Variants in UBA52 observed in about 807,000 individuals in gnomAD.
The protein encoded by UBA52 is ubiquitin-ribosomal protein eL40 fusion protein.
UBA52 carries 1 observed loss-of-function variant against 15.3 expected under a neutral mutation model. That is an observed-to-expected ratio of 0.07 (90% confidence interval 0.02 to 0.31). UBA52 has a LOEUF of 0.31. Ranked by LOEUF, UBA52 falls within the 10% of genes least tolerant of loss-of-function variation. The pLI is 1.00. For synonymous variants in UBA52, 50 were observed against 58.3 expected, an observed-to-expected ratio of 0.86 and a Z score of 0.65; for missense variants, 87 against 168.0, an observed-to-expected ratio of 0.52 and a Z score of 2.66.
upstream of UBA52, among the ~76,000 whole-genome samples, chr19:18,566,752 C>T (rs1975257866): frequency 6.6e-6 from 1 of 151,346 alleles, no homozygotes; most frequent in African/African-American, 2.4e-5. Flanking sequence ...AGGATGGCAC[C>T]ACTGCACTCC....
chr19:18,564,077 C>T, the UBA52 span, among the ~76,000 whole-genome samples: 1,183 of 151,950 alleles, frequency 7.8e-3, 14 homozygotes, highest in African/African-American at 0.026. Flanking sequence ...GGTAGAGACG[C>T]GGTTTTCCCA....
At chr19:18,567,216 A>G (rs758411560), upstream of UBA52, 45 of 1,608,192 alleles carry the variant, frequency 2.8e-5, no homozygotes, top group Non-Finnish European at 3.8e-5. Context: ...CGAGCACGTC[A>G]GCACTCTCCA....
At position 18,573,336 on chromosome 19, in the gene UBA52, C is replaced by T. The variant is rs1600618505; in HGVS notation, c.36C>T (p.Thr12=). 1.9e-6 allele frequency: 3 copies of T among 1,614,168 alleles called. No individual in the cohort carries two copies. Among genetic ancestry groups the T allele is most frequent in the South Asian group, 2.2e-5 (2 of 91,082 alleles). Residue 12 remains threonine (T), a synonymous_variant, in exon 2 of 5, where the codon ACC becomes ACT. Transcript: ENST00000442744. The stretch of plus-strand genomic sequence containing the variant: ...TTGTGAAGACCCTCACTGGCAAAAC[C>T]ATCACCCTTGAGGTCGAGCCCAGTG... ...QIFVKTLTGK[T]ITLEVEPSDT...
upstream of UBA52, chr19:18,568,773 C>T: frequency 3.1e-6 from 2 of 637,448 alleles, no homozygotes. Flanking sequence ...AAGGCTCTCT[C>T]CCGAGGGGTG....
chr19:18,566,479 G>C, the UBA52 span, among the ~76,000 whole-genome samples: 1 of 148,712 alleles, frequency 6.7e-6, no homozygotes, highest in African/African-American at 2.5e-5. Flanking sequence ...AAGTAACATA[G>C]TGCTAGACAC....
At chr19:18,568,641 C>T (rs1162226772), upstream of UBA52, 11 of 1,600,516 alleles carry the variant, frequency 6.9e-6, no homozygotes, top group African/African-American at 1.3e-5. Context: ...GCCCTGCTGC[C>T]CGGTGCCTTG....
At chr19:18,565,941 G>A in the UBA52 span, among the ~76,000 whole-genome samples, 712 of 152,296 alleles carry the variant, frequency 4.7e-3, 5 homozygotes, top group African/African-American at 0.016. Flanking sequence ...GCCTGCCTCG[G>A]CCTCCTAAAG....
intron 3 of UBA52, among the ~76,000 whole-genome samples, chr19:18,574,311 T>A (rs759192297): frequency 4.6e-5 from 7 of 151,986 alleles, no homozygotes; most frequent in Non-Finnish European, 1.0e-4. Context: ...CCTTTTTTTG[T>A]GAGACAGAGT....
chr19:18,573,279 C>T lies in UBA52; in HGVS notation c.-8-14C>T. On this transcript the variant is annotated splice_polypyrimidine_tract_variant and intron_variant, in intron 1 of 4. Coordinates refer to ENST00000442744, the MANE Select transcript of UBA52 (RefSeq NM_001033930.3). ...ATTGCTCACCAGTCTATCCTGCCTC[C>T]CTTCCTCCTGCAGACGCAAACATGC... 6.2e-7 allele frequency: 1 copy of T among 1,613,184 alleles called. No individual in the cohort carries two copies. The highest frequency in any genetic ancestry group is 8.5e-7 in the Non-Finnish European group (1 of 1,179,158).
At chr19:18,573,546 T>C (rs1975615744) in intron 2 of UBA52, 116 bp from the exon 3 acceptor site, 5 of 1,328,088 alleles carry the variant, frequency 3.8e-6, no homozygotes, top group East Asian at 4.7e-5. Context: ...ACGTTTGTTA[T>C]CTTCTACCTC....
chr19:18,569,816 C>T (rs955405360), upstream of UBA52, among the ~76,000 whole-genome samples: 1 of 151,878 alleles, frequency 6.6e-6, no homozygotes, highest in South Asian at 2.1e-4. Flanking sequence ...GGTGGATCAC[C>T]TGAGGTCAGG....
intron 3 of UBA52, among the ~76,000 whole-genome samples, chr19:18,574,290 G>A (rs918177078): frequency 6.6e-6 from 1 of 151,752 alleles, no homozygotes; most frequent in Non-Finnish European, 1.5e-5. Flanking sequence ...GGAGCGACAA[G>A]AATTCAGTGT....
rs369757047 is a variant in UBA52, at chr19:18,575,736, TTTTGTTTG to T, written c.*606_*613del. On this transcript the variant is annotated 3_prime_UTR_variant, in exon 5 of 5. Coordinates refer to ENST00000442744, the MANE Select transcript of UBA52 (RefSeq NM_001033930.3). ...GCCATGCCTGACCCAGTTCTCAGTT[TTTTGTTTG>T]TTTGTTTGTTTGTTTGTTTTGAGAC... is the stretch of plus-strand genomic sequence containing the variant. 95 of 159,622 alleles carry T rather than the reference TTTTGTTTG, an allele frequency of 6.0e-4. No individual in the cohort carries two copies. The highest frequency in any genetic ancestry group is 6.3e-3 in the Middle Eastern group (2 of 318). 9.9% of individuals were successfully genotyped at this position (159,622 alleles called of 1,614,324 possible). A position where few individuals can be genotyped will look rare whatever the true frequency, so the allele number is the denominator to read the frequency against.
the UBA52 span, chr19:18,565,173 C>G: frequency 7.0e-7 from 1 of 1,425,732 alleles, no homozygotes; most frequent in Non-Finnish European, 9.2e-7. Flanking sequence ...AATTCCAACC[C>G]TGGGATAAAA....
At chr19:18,565,191 G>A in the UBA52 span, 2,410 of 1,393,072 alleles carry the variant, frequency 1.7e-3, 23 homozygotes, top group African/African-American at 0.027. Context: ...AAATCTTGAC[G>A]TAAGTTTATT....
upstream of UBA52, chr19:18,571,776 C>G (rs1975488591): frequency 6.6e-6 from 1 of 152,260 alleles, no homozygotes; most frequent in African/African-American, 2.4e-5. Flanking sequence ...CAAGGCGCGG[C>G]GCGAATTGTG....
the UBA52 span, among the ~76,000 whole-genome samples, chr19:18,565,639 G>A: frequency 6.6e-6 from 1 of 152,148 alleles, no homozygotes; most frequent in African/African-American, 2.4e-5. Flanking sequence ...TCAGCCTTCT[G>A]AGTAGCTGGG....
chr19:18,568,603 C>G (rs138464165), upstream of UBA52: 140 of 1,612,338 alleles, frequency 8.7e-5, no homozygotes, highest in African/African-American at 1.7e-3. Context: ...CGCAGCCAGA[C>G]AGATGACGAG....
chr19:18,567,848 G>A (rs1975326958), upstream of UBA52, among the ~76,000 whole-genome samples: 1 of 152,238 alleles, frequency 6.6e-6, no homozygotes, highest in African/African-American at 2.4e-5. Context: ...AGGTAGTGCA[G>A]TGAGCCAGGT....
Sources: allele counts gnomAD v4.1 joint callset (sites outside exome capture counted in the v4.1 genomes callset), GRCh38; gene constraint gnomAD v4.1.1; transcripts MANE v1.5; gene names NCBI Gene and HGNC (gene_info 2026-07-23, HGNC 2026-07-21).